CACNA1D: variants seen among roughly 807,000 people sequenced by gnomAD.
CACNA1D encodes the protein voltage-dependent L-type calcium channel subunit alpha-1D.
In CACNA1D, 55 loss-of-function variants were observed where a neutral mutation model predicts 257.1. The observed-to-expected ratio is 0.21, with a 90% CI of 0.17 to 0.27. CACNA1D has a LOEUF of 0.27. Ranked by LOEUF, CACNA1D falls within the 10% of genes least tolerant of loss-of-function variation. The pLI is 1.00. For synonymous variants in CACNA1D, 980 were observed against 1,014.9 expected (o/e 0.97, Z 0.65); for missense variants, 1,876 against 2,784.0 (o/e 0.67, Z 7.34).
chr3:53,648,342 G>A (rs1438195672), intron 3 of CACNA1D, among the ~76,000 whole-genome samples: 1 of 152,220 alleles, frequency 6.6e-6, no homozygotes, highest in Admixed American at 6.5e-5. Context: ...AGGGTCTGAT[G>A]TGAGCACTGT....
At position 53,800,203 on chromosome 3, in the gene CACNA1D, G is replaced by C; in HGVS notation, c.4924-46G>C. 7.3e-7 allele frequency: 1 copy of C among 1,361,652 alleles called. No individual in the cohort carries two copies. The highest frequency in any genetic ancestry group is 1.1e-6 in the Non-Finnish European group (1 of 949,364). 84.3% of individuals were successfully genotyped at this position (1,361,652 alleles called of 1,614,324 possible). A position where few individuals can be genotyped will look rare whatever the true frequency, so the allele number is the denominator to read the frequency against. Reference sequence around the variant, plus strand: ...AAAGCCAGGACCCAGGCTGGCCCCAGGGCCCATGTGTGGTCTAACCTGTTC... The same window carrying C: ...AAAGCCAGGACCCAGGCTGGCCCCACGGCCCATGTGTGGTCTAACCTGTTC... On this transcript the variant is annotated intron_variant, in intron 40 of 47. Transcript: ENST00000350061. This position sits in a 1 kb window ranked among gnomAD's most constrained non-coding sequence, Gnocchi z 4.3.
At chr3:53,801,977 G>A (rs866207881) in intron 42 of CACNA1D, among the ~76,000 whole-genome samples, 170 bp from the exon 43 acceptor site, 7 of 152,098 alleles carry the variant, frequency 4.6e-5, no homozygotes, top group Non-Finnish European at 7.4e-5. Context: ...AATAAAACCC[G>A]TTCATAGCCC....
intron 30 of CACNA1D, among the ~76,000 whole-genome samples, chr3:53,767,682 A>C (rs2095342018): frequency 6.6e-6 from 1 of 152,118 alleles, no homozygotes; most frequent in Admixed American, 6.5e-5. Context: ...AAAGATCCCC[A>C]GGTGGTTTTA....
intron 3 of CACNA1D, among the ~76,000 whole-genome samples, chr3:53,594,894 A>G (rs538786704): frequency 6.6e-6 from 1 of 152,256 alleles, no homozygotes; most frequent in Non-Finnish European, 1.5e-5. Context: ...AAGTCCCTTG[A>G]GACTTGCAGA....
At chr3:53,589,059 G>A (rs2093264200) in intron 3 of CACNA1D, among the ~76,000 whole-genome samples, 2 of 152,162 alleles carry the variant, frequency 1.3e-5, no homozygotes, top group Non-Finnish European at 1.5e-5. Context: ...CTTTAGATCT[G>A]TAGTTTTCCC....
intron 3 of CACNA1D, among the ~76,000 whole-genome samples, chr3:53,607,176 G>A (rs973384031): frequency 2.0e-5 from 3 of 152,178 alleles, no homozygotes; most frequent in African/African-American, 7.2e-5. Flanking sequence ...TTACCCTTGG[G>A]AAAAATAGCA....
At chr3:53,711,653 T>C (rs1239960743) in intron 9 of CACNA1D, among the ~76,000 whole-genome samples, 1 of 152,248 alleles carries the variant, frequency 6.6e-6, no homozygotes, top group African/African-American at 2.4e-5. Context: ...TGTACTCTTT[T>C]CTTTGAAGTG....
At position 53,755,595 on chromosome 3, in the gene CACNA1D, C is replaced by T. The variant is rs374243445; in HGVS notation, c.3786+1913C>T. 1.6e-4 allele frequency among the ~76,000 whole-genome samples: 25 copies of T among 152,278 alleles called. 1 individual carries two copies. The South Asian group carries it at 2.7e-3, about 16-fold the overall frequency. On this transcript the variant is annotated intron_variant, in intron 29 of 47. Transcript: ENST00000350061. The stretch of plus-strand genomic sequence containing the variant: ...CTGGAAATTGTACTGCTTGTAGTTT[C>T]ACTCAGCAAGATATCTTCATAGCAT...
At chr3:53,744,594 G>T (rs2304577) in intron 22 of CACNA1D, 146 bp from the exon 23 acceptor site, 3 of 722,734 alleles carry the variant, frequency 4.2e-6, no homozygotes, top group African/African-American at 3.4e-5. Flanking sequence ...CCTCTGAGTC[G>T]TGAAGAGAGA....
intron 8 of CACNA1D, among the ~76,000 whole-genome samples, chr3:53,686,542 A>G (rs1199568537): frequency 6.6e-6 from 1 of 152,102 alleles, no homozygotes; most frequent in African/African-American, 2.4e-5. Flanking sequence ...GGAAAATCAA[A>G]TAATTTACCA....
intron 9 of CACNA1D, among the ~76,000 whole-genome samples, chr3:53,703,644 C>T (rs979026184): frequency 3.9e-5 from 6 of 152,210 alleles, no homozygotes; most frequent in Admixed American, 2.6e-4. Context: ...GGACCAAGAA[C>T]GTACTTCAAG....
intron 3 of CACNA1D, among the ~76,000 whole-genome samples, chr3:53,552,807 G>A (rs1400334776): frequency 6.6e-6 from 1 of 152,162 alleles, no homozygotes; most frequent in Non-Finnish European, 1.5e-5. Flanking sequence ...TGGAACTGCT[G>A]CCATACACTA....
Position 53,723,722 on chromosome 3 carries a change from C to T in CACNA1D, c.1892+63C>T, listed in dbSNP as rs143499065. 788 of 1,571,490 alleles carry T rather than the reference C, an allele frequency of 5.0e-4. 3 individuals carry two copies. The African/African-American group carries it at 8.9e-3, about 18-fold the overall frequency. ...ACATGAGGCGGCAACCAGTCACATC[C>T]CCGGGCAGGTGATGTTCTGCTCTGT... On this transcript the variant is annotated intron_variant, in intron 13 of 47. Coordinates refer to ENST00000350061, the MANE Select transcript of CACNA1D (RefSeq NM_001128840.3). The surrounding 1 kb of genome is among the most constrained non-coding windows in gnomAD (Gnocchi z 5.6).
intron 42 of CACNA1D, 94 bp from the exon 43 acceptor site, chr3:53,802,053 C>G: frequency 9.0e-7 from 1 of 1,111,976 alleles, no homozygotes; most frequent in Non-Finnish European, 1.4e-6. Context: ...CTAACCCCTA[C>G]TCTAGGAGGT....
chr3:53,622,215 T>C (rs1386514827), intron 3 of CACNA1D, among the ~76,000 whole-genome samples: 3 of 152,120 alleles, frequency 2.0e-5, no homozygotes, highest in Non-Finnish European at 4.4e-5. Flanking sequence ...CATGCCTAAC[T>C]AATTTATGTA....
At chr3:53,601,012 T>C (rs1207039336) in intron 3 of CACNA1D, among the ~76,000 whole-genome samples, 1 of 152,142 alleles carries the variant, frequency 6.6e-6, no homozygotes, top group African/African-American at 2.4e-5. Context: ...CCACAGTACG[T>C]TGTAAGTTTG....
rs1366626952 is a variant in CACNA1D at position 53,718,582 on chromosome 3, GC to G, written c.1478+201del. ...CCTCCTGCACACCTCCCCACCCCCC[GC>G]CCCCCCGCCCCCCGGCCCAGCATTT... is the stretch of plus-strand genomic sequence containing the variant. On this transcript the variant is annotated intron_variant, in intron 10 of 47. Transcript: ENST00000350061. 3.6e-5 allele frequency: 12 copies of G among 338,014 alleles called. 1 individual carries two copies. The highest frequency in any genetic ancestry group is 6.5e-5 in the Non-Finnish European group (12 of 184,296). The allele number at this position is 338,014 out of a possible 1,614,324, so 20.9% of individuals were successfully genotyped here.
intron 2 of CACNA1D, among the ~76,000 whole-genome samples, 193 bp from the exon 3 acceptor site, chr3:53,501,422 G>C (rs1266925919): frequency 6.6e-6 from 1 of 152,172 alleles, no homozygotes; most frequent in African/African-American, 2.4e-5. Flanking sequence ...CATTTGGTAG[G>C]AGGCTCCACT....
chr3:53,583,892 GTCCTTTTT>G (rs967413669), intron 3 of CACNA1D, among the ~76,000 whole-genome samples: 1 of 152,226 alleles, frequency 6.6e-6, no homozygotes, highest in Non-Finnish European at 1.5e-5. Flanking sequence ...GTTTTTCAAA[GTCCTTTTT>G]TCCTTTTTTA....
Sources: gnomAD v4.1 joint callset for allele counts (sites outside exome capture counted in the v4.1 genomes callset) on GRCh38, gnomAD v4.1.1 for gene constraint, Gnocchi (gnomAD v3.1) non-coding constraint, MANE v1.5 for transcripts, NCBI Gene and HGNC (gene_info 2026-07-23, HGNC 2026-07-21) for gene names.